AUTS2: variants seen among roughly 807,000 people sequenced by gnomAD.
AUTS2 encodes autism susceptibility gene 2 protein.
A neutral mutation model predicts 112.4 loss-of-function variants in AUTS2; 17 were observed. The observed-to-expected ratio is 0.15, with a 90% CI of 0.10 to 0.23. AUTS2 has a LOEUF of 0.23. Ranked by LOEUF, AUTS2 falls within the 10% of genes least tolerant of loss-of-function variation. AUTS2 has a pLI of 1.00. For missense variants in AUTS2, 1,510 were observed against 1,701.6 expected, an observed-to-expected ratio of 0.89 and a Z score of 1.98; for synonymous variants, 751 against 702.7, an observed-to-expected ratio of 1.07 and a Z score of -1.09.
intron 5 of AUTS2, among the ~76,000 whole-genome samples, chr7:70,649,680 C>G (rs1026806938): frequency 3.9e-5 from 6 of 152,112 alleles, no homozygotes; most frequent in Non-Finnish European, 8.8e-5. Context: ...AGGTGCCCAC[C>G]ACCATGCCCA....
At chr7:70,530,179 G>A (rs1454415468) in intron 5 of AUTS2, among the ~76,000 whole-genome samples, 1 of 152,154 alleles carries the variant, frequency 6.6e-6, no homozygotes, top group East Asian at 1.9e-4. Flanking sequence ...AATTCCAAGG[G>A]GAGTTTTGCG....
intron 5 of AUTS2, among the ~76,000 whole-genome samples, chr7:70,504,383 A>G (rs1027939431): frequency 6.6e-6 from 1 of 152,020 alleles, no homozygotes; most frequent in African/African-American, 2.4e-5. Flanking sequence ...GAAAAGATCT[A>G]TTCTTACCAG....
chr7:70,505,278 A>G (rs1434904732), intron 5 of AUTS2, among the ~76,000 whole-genome samples: 1 of 152,196 alleles, frequency 6.6e-6, no homozygotes, highest in Non-Finnish European at 1.5e-5. Context: ...GGAGGAGCAG[A>G]AGCACCATGA....
chr7:70,549,057 G>A lies in AUTS2; in HGVS notation c.690+113276G>A, dbSNP rs149608877. Among the ~76,000 whole-genome samples the A allele has an allele frequency of 4.8e-3, 730 of 151,822 alleles. 1 individual carries two copies. Among genetic ancestry groups the A allele is most frequent in the African/African-American group, 9.0e-3 (373 of 41,402 alleles). ...ACCCTTGAAGACAGAATATCTCTTC[G>A]TTTATTTAGATCTTTAATTTCTCTC... On this transcript the variant is annotated intron_variant, in intron 5 of 18. Coordinates refer to ENST00000342771, the MANE Select transcript of AUTS2 (RefSeq NM_015570.4).
chr7:70,217,928 T>C (rs1811259125), intron 4 of AUTS2, among the ~76,000 whole-genome samples: 1 of 152,232 alleles, frequency 6.6e-6, no homozygotes, highest in South Asian at 2.1e-4. Context: ...TTAAGTGTTT[T>C]CTGGTTTTTG....
intron 5 of AUTS2, among the ~76,000 whole-genome samples, chr7:70,442,039 G>A (rs7802500): frequency 0.25 from 38,645 of 152,032 alleles, 5,395 homozygotes; most frequent in African/African-American, 0.37. Flanking sequence ...ATATATTTTG[G>A]TCAGGAGACA....
At chr7:70,458,375 C>T (rs1311846924) in intron 5 of AUTS2, among the ~76,000 whole-genome samples, 1 of 152,184 alleles carries the variant, frequency 6.6e-6, no homozygotes, top group Non-Finnish European at 1.5e-5. Flanking sequence ...AGCTCTGGTC[C>T]TTCTGGTATG....
intron 4 of AUTS2, among the ~76,000 whole-genome samples, chr7:70,368,668 A>T (rs1171532370): frequency 1.3e-5 from 2 of 152,238 alleles, no homozygotes; most frequent in Non-Finnish European, 2.9e-5. Context: ...CAGTCATCAT[A>T]GAGCAGTCAC....
intron 4 of AUTS2, among the ~76,000 whole-genome samples, chr7:70,162,480 A>G (rs991961719): frequency 8.2e-5 from 10 of 121,778 alleles, no homozygotes; most frequent in Non-Finnish European, 1.6e-4. Context: ...AAAAAAAAAA[A>G]GAAGTAAAGG....
At position 70,269,071 on chromosome 7, in the gene AUTS2, A is replaced by G. The variant is rs761689932; in HGVS notation, c.660+134500A>G. On this transcript the variant is annotated intron_variant, in intron 4 of 18. Coordinates refer to ENST00000342771, the MANE Select transcript of AUTS2 (RefSeq NM_015570.4). ...TGCAGCTGTTCTTCAATAATGTTAT[A>G]TCATTCTGAACCAATTATCATCCTT... Among the ~76,000 whole-genome samples the G allele has an allele frequency of 7.2e-5, 11 of 152,306 alleles. No homozygotes were observed. The South Asian group carries it at 8.3e-4, about 11-fold the overall frequency.
intron 4 of AUTS2, among the ~76,000 whole-genome samples, chr7:70,297,302 C>A (rs1249682315): frequency 6.6e-6 from 1 of 152,028 alleles, no homozygotes; most frequent in South Asian, 2.1e-4. Flanking sequence ...ACAAAGCTGT[C>A]TACGTAGTTA....
chr7:69,946,940 A>G (rs936964356), intron 2 of AUTS2, among the ~76,000 whole-genome samples: 2 of 152,170 alleles, frequency 1.3e-5, no homozygotes, highest in African/African-American at 2.4e-5. Context: ...TGAGTAGACC[A>G]TCTGTCTGCC....
chr7:70,278,762 A>G (rs1188736392), intron 4 of AUTS2, among the ~76,000 whole-genome samples: 1 of 152,230 alleles, frequency 6.6e-6, no homozygotes, highest in South Asian at 2.1e-4. Flanking sequence ...TTTCTCAGAC[A>G]TACTGAAAAT....
intron 4 of AUTS2, among the ~76,000 whole-genome samples, chr7:70,385,651 G>T (rs775276742): frequency 6.6e-6 from 1 of 152,180 alleles, no homozygotes; most frequent in African/African-American, 2.4e-5. Flanking sequence ...TGGGAAGATC[G>T]CTTGAGCCCA....
rs867193534 is a variant in AUTS2, at chr7:70,672,072, T to C, written c.691-26497T>C. On this transcript the variant is annotated intron_variant, in intron 5 of 18. Transcript: ENST00000342771. Reference sequence around the variant, plus strand: ...AGGGTGATGGCCTAGGTAAGACCACTGACAATCAGGAGGAAATCCCAATGA... The same window carrying C: ...AGGGTGATGGCCTAGGTAAGACCACCGACAATCAGGAGGAAATCCCAATGA... Among the ~76,000 whole-genome samples the C allele has an allele frequency of 3.9e-5, 6 of 152,332 alleles. No homozygotes were observed. In the Middle Eastern group the frequency reaches 0.01, roughly 259 times the overall value.
At position 70,730,247 on chromosome 7, in the gene AUTS2, T is replaced by G. The variant is rs142318865; in HGVS notation, c.742+31627T>G. Among the ~76,000 whole-genome samples the G allele has an allele frequency of 2.7e-4, 41 of 152,062 alleles. 1 individual carries two copies. The highest frequency in any genetic ancestry group is 4.2e-4 in the South Asian group (2 of 4,818). On this transcript the variant is annotated intron_variant, in intron 6 of 18. Coordinates refer to ENST00000342771, the MANE Select transcript of AUTS2 (RefSeq NM_015570.4). Reference sequence around the variant, plus strand: ...TTTTTTTGTTTTTTGTTTGTTTGTTTGTTGGTTTTTTAGTTAGACTTCACA... The same window carrying G: ...TTTTTTTGTTTTTTGTTTGTTTGTTGGTTGGTTTTTTAGTTAGACTTCACA...
At chr7:70,629,087 G>A (rs1805118844) in intron 5 of AUTS2, among the ~76,000 whole-genome samples, 1 of 152,184 alleles carries the variant, frequency 6.6e-6, no homozygotes, top group African/African-American at 2.4e-5. Flanking sequence ...CCAACCGTCT[G>A]CAGATGCCAC....
At position 70,763,380 on chromosome 7, in the gene AUTS2, C is replaced by T. The variant is rs530472855; in HGVS notation, c.1214+39C>T. ...TCTTCTTTGGCCTGACTTTTGCCCT[C>T]TCCCTGGGGATCAGGTGGGTGGGAG... On this transcript the variant is annotated intron_variant, in intron 7 of 18. Coordinates refer to ENST00000342771, the MANE Select transcript of AUTS2 (RefSeq NM_015570.4). 4 of 1,462,224 alleles carry T rather than the reference C, an allele frequency of 2.7e-6. No homozygotes were observed. In the African/African-American group the frequency reaches 5.7e-5, roughly 21 times the overall value. 90.6% of individuals were successfully genotyped at this position (1,462,224 alleles called of 1,614,324 possible). A position where few individuals can be genotyped will look rare whatever the true frequency, so the allele number is the denominator to read the frequency against.
intron 1 of AUTS2, among the ~76,000 whole-genome samples, chr7:69,784,187 G>A (rs961236790): frequency 6.6e-6 from 1 of 152,210 alleles, no homozygotes; most frequent in Non-Finnish European, 1.5e-5. Flanking sequence ...TTGCAGAAAA[G>A]ATTACAGGGT....
Sources: gnomAD v4.1 joint callset for allele counts (sites outside exome capture counted in the v4.1 genomes callset) on GRCh38, gnomAD v4.1.1 for gene constraint, MANE v1.5 for transcripts, NCBI Gene and HGNC (gene_info 2026-07-23, HGNC 2026-07-21) for gene names.